Variants in PPWD1 observed in about 807,000 individuals in gnomAD.
PPWD1 encodes peptidylprolyl isomerase domain and WD repeat-containing protein 1.
In PPWD1, 43 loss-of-function variants were observed where a neutral mutation model predicts 68.8. That is an observed-to-expected ratio of 0.62 (90% CI 0.49 to 0.81). The LOEUF (loss-of-function observed/expected upper bound fraction) is 0.81, where lower values mean the gene tolerates loss of function less well. Ranked by LOEUF, PPWD1 falls within the 30% of genes least tolerant of loss-of-function variation. The pLI is 0.00. For missense variants in PPWD1, 672 were observed against 804.8 expected, an observed-to-expected ratio of 0.83 and a Z score of 2.00; for synonymous variants, 232 against 258.7, an observed-to-expected ratio of 0.90 and a Z score of 0.99.
chr5:65,577,113 G>T, intron 6 of PPWD1, 44 bp downstream of exon 6: 2 of 1,566,134 alleles, frequency 1.3e-6, no homozygotes, highest in Non-Finnish European at 8.7e-7. Context: ...TGTGTTTGTG[G>T]GGGACCATTT....
intron 5 of PPWD1, among the ~76,000 whole-genome samples, chr5:65,575,758 A>G (rs991086397): frequency 4.6e-5 from 7 of 152,248 alleles, no homozygotes; most frequent in Non-Finnish European, 8.8e-5. Flanking sequence ...CAAATTTCCA[A>G]ACTATAAAGG....
intron 6 of PPWD1, 99 bp downstream of exon 6, chr5:65,577,168 G>C: frequency 6.8e-7 from 1 of 1,461,766 alleles, no homozygotes; most frequent in Non-Finnish European, 9.0e-7. Flanking sequence ...TCCAAGAAAA[G>C]TGGAATGGCC....
Position 65,567,490 on chromosome 5 carries a change from ATACTT to A in PPWD1, c.197-16_197-12del. 1 of 1,589,144 alleles carries A rather than the reference ATACTT, an allele frequency of 6.3e-7. No individual in the cohort carries two copies. The highest frequency in any genetic ancestry group is 1.1e-5 in the South Asian group (1 of 87,064). On this transcript the variant is annotated intron_variant, in intron 1 of 10. Transcript: ENST00000261308. ...GGTTTATTTGTTAAAAATAGATCTTATACTTTACTTTTTTTTCTTCAGTCTTAGAG... is the reference window on the plus strand; with the variant it reads ...GGTTTATTTGTTAAAAATAGATCTTATACTTTTTTTTCTTCAGTCTTAGAG...
intron 6 of PPWD1, among the ~76,000 whole-genome samples, chr5:65,579,114 A>C (rs1753475259): frequency 6.6e-6 from 1 of 152,068 alleles, no homozygotes; most frequent in African/African-American, 2.4e-5. Flanking sequence ...ATGGGGTTTC[A>C]CCACGTTGGC....
chr5:65,579,530 G>A lies in PPWD1; in HGVS notation c.1267G>A (p.Ala423Thr). ...TGCTGCAACTACTATAGAAATGAAA[G>A]CTTCTGAAAATCCTGTTCTTCAGAA... ...HRAATTIEMKASENPVLQNIQ... is the reference protein window; with the variant it reads ...HRAATTIEMKTSENPVLQNIQ... The change falls in exon 7 of 11, where the codon GCT becomes ACT. Residue 423 changes from alanine to threonine, a missense_variant. Ala to Thr is a moderately conservative substitution (Grantham distance 58, BLOSUM62 0). This residue lies in a region of PPWD1 where 484 missense variants were observed against 646.2 expected (regional missense o/e 0.75). Coordinates refer to ENST00000261308, the MANE Select transcript of PPWD1 (RefSeq NM_015342.4). 1 of 1,610,682 alleles carries A rather than the reference G, an allele frequency of 6.2e-7. No homozygotes were observed. Among genetic ancestry groups the A allele is most frequent in the Non-Finnish European group, 8.5e-7 (1 of 1,178,776 alleles).
At chr5:65,585,165 G>A (rs1753778047) in intron 9 of PPWD1, 70 bp downstream of exon 9, 1 of 1,425,628 alleles carries the variant, frequency 7.0e-7, no homozygotes, top group Non-Finnish European at 9.7e-7. Context: ...TTAAGCGCAA[G>A]GAATCTTCTT....
At chr5:65,567,171 A>T (rs962982208) in intron 1 of PPWD1, among the ~76,000 whole-genome samples, 2 of 151,164 alleles carry the variant, frequency 1.3e-5, no homozygotes, top group African/African-American at 2.4e-5. Flanking sequence ...GAACTTTTTA[A>T]TTTTTTTTCC....
chr5:65,584,180 A>C (rs1270640236), intron 8 of PPWD1, among the ~76,000 whole-genome samples: 1 of 152,154 alleles, frequency 6.6e-6, no homozygotes, highest in Non-Finnish European at 1.5e-5. Flanking sequence ...TTGGTACTCA[A>C]CAAATAACTA....
rs767105688 is a variant in PPWD1 at position 65,569,890 on chromosome 5, G to A, written c.413G>A (p.Ser138Asn). The change falls in exon 4 of 11, where the codon AGT becomes AAT. Residue 138 changes from serine to asparagine, a missense_variant. By Grantham distance (46) the Ser-to-Asn change is conservative. Transcript: ENST00000261308. ...TTTATTGAAATAGGAGTTATTGAGA[G>A]TATTGCAGTTAGCTCTGAGGGAGCA... is the stretch of plus-strand genomic sequence containing the variant. ...HFRSHLGVIESIAVSSEGALF... is the reference protein window; with the variant it reads ...HFRSHLGVIENIAVSSEGALF... The A allele has an allele frequency of 2.9e-5, 46 of 1,600,198 alleles. No individual in the cohort carries two copies. In the Admixed American group the frequency reaches 7.3e-4, roughly 26 times the overall value.
chr5:65,579,612 T>C lies in PPWD1; in HGVS notation c.1349T>C (p.Met450Thr). The change falls in exon 7 of 11, where the codon ATG becomes ACG. Residue 450 changes from methionine (M) to threonine (T), a missense_variant and splice_region_variant. By Grantham distance (81) the Met-to-Thr change is moderately conservative. Transcript: ENST00000261308. ...TCATTCAAAAAGAATAGATTTTATA[T>C]GGTATGTGTAAGTACTAGGAGATTA... ...CTSFKKNRFY[M>T]FTKREPEDTK... The C allele has an allele frequency of 6.4e-7, 1 of 1,558,396 alleles. No individual in the cohort carries two copies. Among genetic ancestry groups the C allele is most frequent in the Non-Finnish European group, 8.7e-7 (1 of 1,156,062 alleles).
chr5:65,567,048 G>T (rs977514118), intron 1 of PPWD1, among the ~76,000 whole-genome samples: 1 of 152,122 alleles, frequency 6.6e-6, no homozygotes, highest in African/African-American at 2.4e-5. Flanking sequence ...ACTTGAAAGA[G>T]AATCAGTGCT....
In PPWD1 at chr5:65,583,031, CCTT is replaced by C. The variant is rs781544983; in HGVS notation, c.1351-6_1351-4del. 55 of 1,555,744 alleles carry C rather than the reference CCTT, an allele frequency of 3.5e-5. No individual in the cohort carries two copies. The highest frequency in any genetic ancestry group is 1.7e-4 in the Middle Eastern group (1 of 5,834). ...TCGTTGACTCACTTTTTACTTTCCTCCTTGAGTTTACCAAACGAGAACCAGAAG... is the reference window on the plus strand; with the variant it reads ...TCGTTGACTCACTTTTTACTTTCCTCGAGTTTACCAAACGAGAACCAGAAG... On this transcript the variant is annotated splice_region_variant and splice_polypyrimidine_tract_variant and intron_variant, in intron 7 of 10. Coordinates refer to ENST00000261308, the MANE Select transcript of PPWD1 (RefSeq NM_015342.4).
At position 65,586,153 on chromosome 5, in the gene PPWD1, C is replaced by T; in HGVS notation, c.1769C>T (p.Ser590Phe). The change falls in exon 10 of 11, where the codon TCC becomes TTC. Residue 590 changes from serine to phenylalanine, a missense_variant. Ser to Phe is a radical substitution (Grantham distance 155). Coordinates refer to ENST00000261308, the MANE Select transcript of PPWD1 (RefSeq NM_015342.4). ...MANAGSNTNG[S>F]QFFITVVPTP... ...AACGCGGGATCAAATACTAATGGATCCCAGTTTTTCATAACGGTAGTACCA... is the reference window on the plus strand; with the variant it reads ...AACGCGGGATCAAATACTAATGGATTCCAGTTTTTCATAACGGTAGTACCA... The T allele has an allele frequency of 1.2e-6, 2 of 1,613,106 alleles. No individual in the cohort carries two copies. Among genetic ancestry groups the T allele is most frequent in the Non-Finnish European group, 1.7e-6 (2 of 1,179,394 alleles).
In PPWD1 at chr5:65,563,314, G is replaced by C. The variant is rs1246661218; in HGVS notation, c.4G>C (p.Ala2Pro). 6.2e-7 allele frequency: 1 copy of C among 1,612,758 alleles called. No homozygotes were observed. Among genetic ancestry groups the C allele is most frequent in the South Asian group, 1.1e-5 (1 of 90,956 alleles). Reference protein sequence around the residue: MAAESGSDFQQR... With the variant: MPAESGSDFQQR... ...CTTTTCTGACGATGCGAACAACATG[G>C]CGGCGGAAAGTGGTAGCGATTTTCA... The change falls in exon 1 of 11, where the codon GCG becomes CCG. Residue 2 changes from alanine (A) to proline (P), a missense_variant. Transcript: ENST00000261308.
intron 4 of PPWD1, among the ~76,000 whole-genome samples, chr5:65,571,028 A>T (rs1752987274): frequency 6.6e-6 from 1 of 152,158 alleles, no homozygotes; most frequent in African/African-American, 2.4e-5. Flanking sequence ...TGGCACAAAC[A>T]TACCTGTCTT....
Position 65,569,677 on chromosome 5 carries a change from C to T in PPWD1, c.345C>T (p.Phe115=), listed in dbSNP as rs774941741. The T allele has an allele frequency of 6.2e-7, 1 of 1,608,016 alleles. No homozygotes were observed. The highest frequency in any genetic ancestry group is 8.5e-7 in the Non-Finnish European group (1 of 1,176,052). ...CCAGTCATGATGGACATGTCAAGTT[C>T]TGGAAAAAAATAGAAGAGGGAATTG... ...ITASHDGHVK[F]WKKIEEGIEF... is the part of the protein sequence containing the mutation. Residue 115 remains phenylalanine, a synonymous_variant, in exon 3 of 11, where the codon TTC becomes TTT. Coordinates refer to ENST00000261308, the MANE Select transcript of PPWD1 (RefSeq NM_015342.4).
At chr5:65,575,181 C>G (rs1190401958) in intron 5 of PPWD1, among the ~76,000 whole-genome samples, 2 of 152,144 alleles carry the variant, frequency 1.3e-5, no homozygotes, top group African/African-American at 2.4e-5. Flanking sequence ...AGGTACTTAC[C>G]AGGTTGGATA....
chr5:65,569,249 G>T, intron 2 of PPWD1: 1 of 299,848 alleles, frequency 3.3e-6, no homozygotes, highest in Non-Finnish European at 6.5e-6. Flanking sequence ...GCGTATGAAA[G>T]TAGTATGTTT....
In PPWD1 at chr5:65,563,520, T is replaced by G. The variant is rs901544386; in HGVS notation, c.196+14T>G. Reference sequence around the variant, plus strand: ...AGAAGAGGAAAGGTAGCTGCAGACATAGTACCGGGACGAATTGGAGTGCTG... The same window carrying G: ...AGAAGAGGAAAGGTAGCTGCAGACAGAGTACCGGGACGAATTGGAGTGCTG... On this transcript the variant is annotated intron_variant, in intron 1 of 10. Transcript: ENST00000261308. 18 of 1,603,180 alleles carry G rather than the reference T, an allele frequency of 1.1e-5. No homozygotes were observed. The highest frequency in any genetic ancestry group is 1.5e-5 in the Non-Finnish European group (18 of 1,175,164).
Sources: gnomAD v4.1 joint callset for allele counts (sites outside exome capture counted in the v4.1 genomes callset) on GRCh38, gnomAD v4.1.1 for gene constraint, gnomAD v4.1.1 regional missense constraint, MANE v1.5 for transcripts, NCBI Gene and HGNC (gene_info 2026-07-23, HGNC 2026-07-21) for gene names.